Variants in PRKN observed in about 807,000 individuals in gnomAD.
PRKN encodes parkin RBR E3 ubiquitin protein ligase, also known as E3 ubiquitin-protein ligase parkin.
Under a neutral mutation model 59.5 loss-of-function variants are expected in PRKN, and 56 were observed. The ratio of observed to expected loss-of-function variants is 0.94; its 90% CI spans 0.76 to 1.18. PRKN has a LOEUF of 1.18. Among genes scored for constraint, PRKN ranks in the 50% most tolerant of loss-of-function variants. The probability of loss-of-function intolerance (pLI) is 0.00; values close to 1 mark genes in which losing one functional copy is unlikely to be tolerated. For missense variants in PRKN, 657 were observed against 596.4 expected (o/e 1.10, Z -1.06); for synonymous variants, 250 against 222.1 (o/e 1.13, Z -1.12).
intron 9 of PRKN, among the ~76,000 whole-genome samples, chr6:161,507,203 C>T (rs1184894413): frequency 6.6e-6 from 1 of 152,182 alleles, no homozygotes; most frequent in Non-Finnish European, 1.5e-5. Context: ...GAACCCATTC[C>T]AGTAGTGGGA....
Position 161,484,104 on chromosome 6 carries a change from G to A in PRKN, c.1083+64750C>T, listed in dbSNP as rs760610761. 1.2e-4 allele frequency among the ~76,000 whole-genome samples: 19 copies of A among 152,010 alleles called. No homozygotes were observed. The highest frequency in any genetic ancestry group is 2.6e-4 in the Non-Finnish European group (18 of 68,014). The stretch of plus-strand genomic sequence containing the variant: ...ATACCTAGGTGATGGGTTGATCTGT[G>A]CAGCAAAACACCATGGCACACGTTT... On this transcript the variant is annotated intron_variant, in intron 9 of 11. Coordinates refer to ENST00000366898, the MANE Select transcript of PRKN (RefSeq NM_004562.3). The surrounding 1 kb of genome is among the most constrained non-coding windows in gnomAD (Gnocchi z 4.9).
At chr6:161,358,119 A>AG (rs1784832709) in intron 11 of PRKN, among the ~76,000 whole-genome samples, 1 of 151,026 alleles carries the variant, frequency 6.6e-6, no homozygotes, top group Admixed American at 6.6e-5. Context: ...TTTTCCTAAA[A>AG]TGTGTGTGGG....
chr6:162,141,550 TATTG>T (rs1434530430), intron 4 of PRKN, among the ~76,000 whole-genome samples: 2 of 152,236 alleles, frequency 1.3e-5, no homozygotes, highest in African/African-American at 2.4e-5. Flanking sequence ...TATTTTGCTT[TATTG>T]ATTATGTATT....
At chr6:161,531,646 T>A (rs1401859838) in intron 9 of PRKN, among the ~76,000 whole-genome samples, 1 of 152,142 alleles carries the variant, frequency 6.6e-6, no homozygotes, top group Non-Finnish European at 1.5e-5. Flanking sequence ...CATAGATATA[T>A]ACGCTGCAAA....
At chr6:162,433,829 T>C (rs1283003825) in intron 2 of PRKN, among the ~76,000 whole-genome samples, 5 of 152,200 alleles carry the variant, frequency 3.3e-5, no homozygotes, top group African/African-American at 1.2e-4. Flanking sequence ...TGGCAAAACC[T>C]GCACTGAGCT....
chr6:161,469,043 A>G (rs1197571136), intron 9 of PRKN, among the ~76,000 whole-genome samples: 1 of 152,204 alleles, frequency 6.6e-6, no homozygotes, highest in African/African-American at 2.4e-5. Context: ...AAGAGTCAAT[A>G]CTGCCACCTC....
chr6:161,613,748 G>A (rs1256916810), intron 7 of PRKN, among the ~76,000 whole-genome samples: 1 of 152,324 alleles, frequency 6.6e-6, no homozygotes, highest in East Asian at 1.9e-4. Context: ...GGCTGGAACT[G>A]AATCTGCAAT....
At chr6:161,507,264 G>A (rs1778208099) in intron 9 of PRKN, among the ~76,000 whole-genome samples, 1 of 152,128 alleles carries the variant, frequency 6.6e-6, no homozygotes, top group Admixed American at 6.5e-5. Context: ...AAGATTCTGT[G>A]GGGCTAAGAA....
At chr6:161,673,058 G>C (rs1271333757) in intron 7 of PRKN, among the ~76,000 whole-genome samples, 1 of 152,120 alleles carries the variant, frequency 6.6e-6, no homozygotes, top group Admixed American at 6.5e-5. Context: ...AGTGAATCCA[G>C]CCACATAACT....
intron 6 of PRKN, among the ~76,000 whole-genome samples, chr6:161,930,955 A>T (rs1013459159): frequency 1.3e-5 from 2 of 152,250 alleles, no homozygotes; most frequent in African/African-American, 4.8e-5. Flanking sequence ...GAGAGCTTCC[A>T]GAAGGAACGT....
At chr6:162,133,516 A>G (rs1781453874) in intron 4 of PRKN, among the ~76,000 whole-genome samples, 1 of 152,180 alleles carries the variant, frequency 6.6e-6, no homozygotes, top group Admixed American at 6.5e-5. Context: ...TCCCCATCCT[A>G]CTATCCAATG....
intron 1 of PRKN, among the ~76,000 whole-genome samples, chr6:162,542,037 C>G (rs959367557): frequency 1.3e-5 from 2 of 152,066 alleles, no homozygotes; most frequent in Admixed American, 6.6e-5. Flanking sequence ...AAGGTCAAGT[C>G]AAATATTGAC....
rs555142928 is a variant in PRKN, at chr6:162,409,661, T to C, written c.171+33649A>G. Among the ~76,000 whole-genome samples, 3 of 152,336 alleles carry C rather than the reference T, an allele frequency of 2.0e-5. No homozygotes were observed. The East Asian group carries it at 5.8e-4, about 29-fold the overall frequency. On this transcript the variant is annotated intron_variant, in intron 2 of 11. Transcript: ENST00000366898. ...TCAAGCATATAATTTAAAGTTGTAT[T>C]ACTAGTTATAAATTTAATATTTACC...
chr6:161,938,014 T>C (rs1452417177), intron 6 of PRKN, among the ~76,000 whole-genome samples: 1 of 152,210 alleles, frequency 6.6e-6, no homozygotes, highest in Non-Finnish European at 1.5e-5. Flanking sequence ...GTCCTACTTT[T>C]TACCAGAAAA....
At chr6:162,637,108 A>G (rs549512855) in intron 1 of PRKN, among the ~76,000 whole-genome samples, 38 of 151,912 alleles carry the variant, frequency 2.5e-4, no homozygotes, top group African/African-American at 8.9e-4. Flanking sequence ...ATAAAAAAAA[A>G]TAGCCGGGCG....
intron 6 of PRKN, among the ~76,000 whole-genome samples, chr6:161,884,740 T>C (rs910035017): frequency 6.6e-6 from 1 of 152,196 alleles, no homozygotes; most frequent in Non-Finnish European, 1.5e-5. Context: ...TCTGAATCTG[T>C]AGTAGTCAAT....
intron 7 of PRKN, among the ~76,000 whole-genome samples, chr6:161,747,306 C>T (rs1788474452): frequency 6.6e-6 from 1 of 152,090 alleles, no homozygotes; most frequent in Non-Finnish European, 1.5e-5. Context: ...ATTATAATCA[C>T]TTTAGATATC....
At chr6:162,475,116 AT>A (rs1380409738) in intron 1 of PRKN, among the ~76,000 whole-genome samples, 4 of 152,206 alleles carry the variant, frequency 2.6e-5, no homozygotes, top group Admixed American at 6.5e-5. Flanking sequence ...AAAAATGATT[AT>A]GTGATGAATA....
intron 4 of PRKN, among the ~76,000 whole-genome samples, chr6:162,066,882 C>A (rs1778362121): frequency 6.6e-6 from 1 of 152,192 alleles, no homozygotes; most frequent in Non-Finnish European, 1.5e-5. Flanking sequence ...CAGAAGCTTT[C>A]AGTTGTCTCC....
Sources: gnomAD v4.1 joint callset for allele counts (sites outside exome capture counted in the v4.1 genomes callset) on GRCh38, gnomAD v4.1.1 for gene constraint, Gnocchi (gnomAD v3.1) non-coding constraint, MANE v1.5 for transcripts, NCBI Gene and HGNC (gene_info 2026-07-23, HGNC 2026-07-21) for gene names.